The following MEIS3 variants were observed in gnomAD, a reference collection of about 807,000 sequenced individuals.
MEIS3 encodes homeobox protein Meis3.
MEIS3 carries 38 observed loss-of-function variants against 51.4 expected under a neutral mutation model. The ratio of observed to expected loss-of-function variants is 0.74; its 90% CI spans 0.57 to 0.97. The LOEUF (loss-of-function observed/expected upper bound fraction) is 0.97. MEIS3 is among the 50% of genes least tolerant of loss of function. The pLI, the probability that MEIS3 is intolerant of heterozygous loss-of-function variation, is 0.00. For missense variants in MEIS3, 456 were observed against 502.6 expected (o/e 0.91, Z 0.89); for synonymous variants, 198 against 201.8 (o/e 0.98, Z 0.16).
chr19:47,410,730 C>A (rs1275758936), intron 6 of MEIS3, among the ~76,000 whole-genome samples: 1 of 152,106 alleles, frequency 6.6e-6, no homozygotes, highest in African/African-American at 2.4e-5. Flanking sequence ...CACACCAATG[C>A]ACTCCAGCCT....
At chr19:47,410,504 T>C (rs1207991716) in intron 6 of MEIS3, among the ~76,000 whole-genome samples, 2 of 149,566 alleles carry the variant, frequency 1.3e-5, no homozygotes, top group Non-Finnish European at 3.0e-5. Context: ...CGATGGCTCA[T>C]GCCTGTAATC....
In MEIS3 at chr19:47,409,359, T is replaced by C. The variant is rs1041910098; in HGVS notation, c.709+77A>G. 7.0e-6 allele frequency: 11 copies of C among 1,576,156 alleles called. No individual in the cohort carries two copies. In the Admixed American group the frequency reaches 1.8e-4, roughly 26 times the overall value. The stretch of plus-strand genomic sequence containing the variant: ...CACACCCCAGCCATCTCTGCCCCTC[T>C]ACAAGTCTTACTTGCGATCTAACTT... On this transcript the variant is annotated intron_variant, in intron 7 of 12. Transcript: ENST00000558555.
At chr19:47,420,952 T>C (rs1353857817), upstream of MEIS3, among the ~76,000 whole-genome samples, 32 of 132,676 alleles carry the variant, frequency 2.4e-4, no homozygotes, top group Non-Finnish European at 4.2e-4. Context: ...TCTCTCTCTC[T>C]CTCTCTCTCT....
At chr19:47,404,984 G>C (rs1970748904) in intron 12 of MEIS3, among the ~76,000 whole-genome samples, 1 of 152,200 alleles carries the variant, frequency 6.6e-6, no homozygotes, top group African/African-American at 2.4e-5. Flanking sequence ...AAGGAGTTAG[G>C]ACTTTGTCCA....
chr19:47,417,749 C>T, intron 1 of MEIS3: 1 of 666,556 alleles, frequency 1.5e-6, no homozygotes, highest in Non-Finnish European at 2.7e-6. Context: ...AGTACACATA[C>T]GAAGCCTCCC....
intron 1 of MEIS3, 159 bp from the exon 2 acceptor site, chr19:47,417,509 CCCTCCAGGTCCCCTGGAGCTG>C: frequency 1.1e-6 from 1 of 870,168 alleles, no homozygotes; most frequent in Non-Finnish European, 1.9e-6. Flanking sequence ...AAGCTTGAAG[CCCTCCAGGTCCCCTGGAGCTG>C]CCTCGGTGGG....
chr19:47,415,210 A>G, intron 4 of MEIS3, 109 bp from the exon 5 acceptor site: 2 of 736,196 alleles, frequency 2.7e-6, no homozygotes, highest in Admixed American at 4.1e-5. Context: ...GAGAAACAGA[A>G]AGAGTGAGAC....
At chr19:47,414,892 G>A in intron 5 of MEIS3, 26 bp from the exon 6 acceptor site, 1 of 1,569,118 alleles carries the variant, frequency 6.4e-7, no homozygotes, top group Non-Finnish European at 8.7e-7. Flanking sequence ...GGTACTGGGG[G>A]GGGCCACCCA....
intron 9 of MEIS3, 25 bp from the exon 10 acceptor site, chr19:47,407,162 G>A: frequency 3.1e-6 from 5 of 1,602,594 alleles, no homozygotes; most frequent in African/African-American, 2.7e-5. Context: ...TGGAAACGGA[G>A]GGGAATGAAA....
At chr19:47,408,131 TTC>T (rs570573323) in intron 8 of MEIS3, among the ~76,000 whole-genome samples, 1 of 151,320 alleles carries the variant, frequency 6.6e-6, no homozygotes, top group Admixed American at 6.6e-5. Flanking sequence ...TTCTTTCTCT[TTC>T]TCTCTTTTTT....
rs145484492 is a variant in MEIS3, at chr19:47,414,755, C to T, written c.559G>A (p.Glu187Lys). 35 of 1,611,990 alleles carry T rather than the reference C, an allele frequency of 2.2e-5. No homozygotes were observed. Among genetic ancestry groups the T allele is most frequent in the Admixed American group, 5.0e-5 (3 of 59,898 alleles). Residue 187 changes from glutamate to lysine, a missense_variant, in exon 6 of 13, where the codon GAG (glutamate) becomes AAG (lysine). Transcript: ENST00000558555. ...CTGGGGCAGGAGGCTGGGTAGTCCT[C>T]GAAGTCCTCCCTGCAGCCGCCGTCC... ...DRDGGCREDF[E>K]DYPASCPSLP...
chr19:47,420,908 TCTCACA>T (rs1451272618), upstream of MEIS3, among the ~76,000 whole-genome samples: 1 of 95,818 alleles, frequency 1.0e-5, no homozygotes, highest in African/African-American at 3.9e-5. Context: ...TCTCTCTCTC[TCTCACA>T]CACACACACA....
Position 47,406,889 on chromosome 19 carries a change from C to T in MEIS3, c.1077G>A (p.Pro359=), listed in dbSNP as rs765579329. The T allele has an allele frequency of 2.5e-5, 40 of 1,569,272 alleles. No homozygotes were observed. The highest frequency in any genetic ancestry group is 3.4e-5 in the Non-Finnish European group (40 of 1,160,104). The change falls in exon 11 of 13, where the codon CCG becomes CCA. Residue 359 remains proline, a splice_region_variant and synonymous_variant. Coordinates refer to ENST00000558555, the MANE Select transcript of MEIS3 (RefSeq NM_001301059.2). Reference sequence around the variant, plus strand: ...CCTAGCTAAGGGGGCGAGGCTTACCCGGAGGCCGGACGGCCACGTGTGGCT... The same window carrying T: ...CCTAGCTAAGGGGGCGAGGCTTACCTGGAGGCCGGACGGCCACGTGTGGCT... ...ETQPHVAVRP[P]GSVGMSLNLE...
intron 1 of MEIS3, chr19:47,417,571 T>A: frequency 1.4e-6 from 1 of 707,746 alleles, no homozygotes; most frequent in Non-Finnish European, 2.6e-6. Flanking sequence ...CAGAGATTCC[T>A]GACATGTGGG....
chr19:47,406,852 G>A lies in MEIS3; in HGVS notation c.1078+36C>T, dbSNP rs192490310. The A allele has an allele frequency of 1.4e-5, 22 of 1,528,520 alleles. No homozygotes were observed. In the African/African-American group the frequency reaches 2.1e-4, roughly 14 times the overall value. The allele number at this position is 1,528,520 out of a possible 1,614,324, so 94.7% of individuals were successfully genotyped here. On this transcript the variant is annotated intron_variant, in intron 11 of 12. Coordinates refer to ENST00000558555, the MANE Select transcript of MEIS3 (RefSeq NM_001301059.2). ...TTGTTTTACAGGTGGGTCATGGTGC[G>A]CAGGGGCGGGGCCTAGCTAAGGGGG...
rs547067405 is a variant in MEIS3 at position 47,410,176 on chromosome 19, A to C, written c.598-629T>G. On this transcript the variant is annotated intron_variant, in intron 6 of 12. Transcript: ENST00000558555. ...ACAAAAACCAGGCTGGCTTGGGCAC[A>C]GTGGCTCACACCTATAATCCCAGCA... 2.6e-4 allele frequency among the ~76,000 whole-genome samples: 39 copies of C among 151,522 alleles called. No homozygotes were observed. In the South Asian group the frequency reaches 8.1e-3, roughly 32 times the overall value.
intron 1 of MEIS3, chr19:47,417,936 C>A (rs1244294691): frequency 8.8e-6 from 5 of 569,028 alleles, no homozygotes; most frequent in Non-Finnish European, 1.5e-5. Context: ...CACACACATG[C>A]ACACACACAT....
In MEIS3 at chr19:47,417,001, C is replaced by G. The variant is rs746326858; in HGVS notation, c.186-38G>C. 3 of 1,553,278 alleles carry G rather than the reference C, an allele frequency of 1.9e-6. No individual in the cohort carries two copies. The South Asian group carries it at 3.5e-5, about 18-fold the overall frequency. On this transcript the variant is annotated intron_variant, in intron 2 of 12. Transcript: ENST00000558555. ...GAAAGGAGAGAGGTTGAGGGAGAGG[C>G]TGGGAGGTGGATGGAGGGGCTGCCA...
intron 12 of MEIS3, 42 bp from the exon 13 acceptor site, chr19:47,403,595 G>A (rs561291318): frequency 2.5e-6 from 1 of 394,878 alleles, no homozygotes; most frequent in African/African-American, 2.1e-5. Flanking sequence ...AGCGGGCAGG[G>A]GGCCTGGCCC....
Sources: allele counts gnomAD v4.1 joint callset (sites outside exome capture counted in the v4.1 genomes callset), GRCh38; gene constraint gnomAD v4.1.1; transcripts MANE v1.5; gene names NCBI Gene and HGNC (gene_info 2026-07-23, HGNC 2026-07-21).